Variants in PARD3B observed in about 807,000 individuals in gnomAD.
The protein encoded by PARD3B is par-3 family cell polarity regulator beta, also known as partitioning defective 3 homolog B.
In PARD3B, 103 loss-of-function variants were observed where a neutral mutation model predicts 130.2. That is an observed-to-expected ratio of 0.79 (90% confidence interval 0.67 to 0.93). The LOEUF (loss-of-function observed/expected upper bound fraction) is 0.93. PARD3B is among the 40% of genes least tolerant of loss of function. The pLI is 0.00. For missense variants in PARD3B, 1,609 were observed against 1,499.2 expected (o/e 1.07, Z -1.21); for synonymous variants, 583 against 553.2 (o/e 1.05, Z -0.76).
intron 4 of PARD3B, among the ~76,000 whole-genome samples, chr2:205,077,875 G>A (rs1003369145): frequency 6.6e-6 from 1 of 152,172 alleles, no homozygotes; most frequent in Non-Finnish European, 1.5e-5. Context: ...AACAACAAAA[G>A]AGAGTTGGCC....
chr2:205,167,917 C>A (rs1028458509), intron 11 of PARD3B, among the ~76,000 whole-genome samples: 1 of 152,138 alleles, frequency 6.6e-6, no homozygotes, highest in African/African-American at 2.4e-5. Flanking sequence ...CAAGGACTAG[C>A]CTACATTAGG....
chr2:205,023,203 A>G (rs1696754548), intron 3 of PARD3B, among the ~76,000 whole-genome samples: 1 of 152,108 alleles, frequency 6.6e-6, no homozygotes, highest in Non-Finnish European at 1.5e-5. Flanking sequence ...TTTCACAGAG[A>G]GGAGAGGTGG....
chr2:204,601,736 A>G (rs1361994581), intron 1 of PARD3B, among the ~76,000 whole-genome samples: 2 of 152,002 alleles, frequency 1.3e-5, no homozygotes, highest in Non-Finnish European at 2.9e-5. Flanking sequence ...AATCTAAATG[A>G]AAATTTATGC....
At chr2:205,416,544 A>G (rs187511545) in intron 19 of PARD3B, among the ~76,000 whole-genome samples, 2 of 152,272 alleles carry the variant, frequency 1.3e-5, no homozygotes, top group East Asian at 3.9e-4. Flanking sequence ...ATATGTCTTC[A>G]TCCCTGAAAA....
intron 2 of PARD3B, among the ~76,000 whole-genome samples, chr2:204,712,597 G>A (rs1252176039): frequency 8.0e-6 from 1 of 125,324 alleles, no homozygotes; most frequent in African/African-American, 2.9e-5. Flanking sequence ...CTGGGTGACA[G>A]AGCAAGACCC....
At chr2:204,614,216 A>G (rs1460887213) in intron 1 of PARD3B, among the ~76,000 whole-genome samples, 2 of 152,212 alleles carry the variant, frequency 1.3e-5, no homozygotes, top group Non-Finnish European at 1.5e-5. Flanking sequence ...AAAAGTTTCT[A>G]GTAGCTACAG....
intron 15 of PARD3B, among the ~76,000 whole-genome samples, chr2:205,237,080 T>G (rs999184841): frequency 6.6e-6 from 1 of 152,194 alleles, no homozygotes; most frequent in African/African-American, 2.4e-5. Flanking sequence ...CAGTGTTTGC[T>G]TAAACCCTTT....
intron 15 of PARD3B, among the ~76,000 whole-genome samples, chr2:205,239,019 A>C (rs1023945068): frequency 6.7e-6 from 1 of 150,282 alleles, no homozygotes; most frequent in Non-Finnish European, 1.5e-5. Context: ...ATCATAATCT[A>C]TTTGTGAACA....
intron 3 of PARD3B, among the ~76,000 whole-genome samples, chr2:204,973,112 C>T (rs1367595441): frequency 1.3e-5 from 2 of 152,190 alleles, no homozygotes; most frequent in African/African-American, 4.8e-5. Flanking sequence ...CCCTTGCAGC[C>T]AGTCCCCAGC....
intron 1 of PARD3B, among the ~76,000 whole-genome samples, chr2:204,571,272 G>A (rs569217020): frequency 7.6e-4 from 116 of 152,306 alleles, no homozygotes; most frequent in Non-Finnish European, 1.3e-3. Context: ...GAAACCGTGG[G>A]CAAGGCCCTT....
chr2:204,671,977 C>G (rs2036325176), intron 1 of PARD3B, among the ~76,000 whole-genome samples: 1 of 152,256 alleles, frequency 6.6e-6, no homozygotes, highest in Non-Finnish European at 1.5e-5. Flanking sequence ...TTTTTAGCAT[C>G]TTTCTTTATA....
intron 15 of PARD3B, among the ~76,000 whole-genome samples, chr2:205,196,061 T>C (rs924054972): frequency 6.6e-5 from 10 of 152,184 alleles, no homozygotes; most frequent in Non-Finnish European, 1.5e-4. Flanking sequence ...TTTTCACTTA[T>C]ATTTTCAAAG....
At position 205,240,612 on chromosome 2, in the gene PARD3B, G is replaced by A. The variant is rs10490299; in HGVS notation, c.2141-5166G>A. Among the ~76,000 whole-genome samples the A allele has an allele frequency of 7.7e-3, 1,175 of 152,190 alleles. 17 individuals carry two copies. Among genetic ancestry groups the A allele is most frequent in the African/African-American group, 0.013 (524 of 41,516 alleles). ...TAAAAAAGAATAACTGTAGCTGATG[G>A]CAATTTTTATCTGAAGAGACTTGTG... On this transcript the variant is annotated intron_variant, in intron 15 of 22. Coordinates refer to ENST00000406610, the MANE Select transcript of PARD3B (RefSeq NM_001302769.2).
rs2036489134 is a variant in PARD3B at position 204,675,374 on chromosome 2, T to G, written c.121-10807T>G. Among the ~76,000 whole-genome samples the G allele has an allele frequency of 2.0e-5, 3 of 152,228 alleles. No homozygotes were observed. The highest frequency in any genetic ancestry group is 4.1e-4 in the South Asian group (2 of 4,822). On this transcript the variant is annotated intron_variant, in intron 1 of 22. Transcript: ENST00000406610. This position sits in a 1 kb window ranked among gnomAD's most constrained non-coding sequence, Gnocchi z 4.4. ...CTTTTAACGTTTAATTTTCCTGATA[T>G]AACTTCAGTTTTGTGATTATACTGT... is the stretch of plus-strand genomic sequence containing the variant.
rs1004037462 is a variant in PARD3B, at chr2:204,623,928, A to G, written c.121-62253A>G. 5.9e-5 allele frequency among the ~76,000 whole-genome samples: 9 copies of G among 152,110 alleles called. No homozygotes were observed. The highest frequency in any genetic ancestry group is 1.9e-4 in the African/African-American group (8 of 41,426). The stretch of plus-strand genomic sequence containing the variant: ...GCATTTGTCCTCTTGTAACTGGCTT[A>G]TTTTGCATACCATAATGTCTACAGT... On this transcript the variant is annotated intron_variant, in intron 1 of 22. Coordinates refer to ENST00000406610, the MANE Select transcript of PARD3B (RefSeq NM_001302769.2). This position sits in a 1 kb window ranked among gnomAD's most constrained non-coding sequence, Gnocchi z 4.5.
chr2:204,558,101 G>A (rs563688226), intron 1 of PARD3B: 1 of 152,304 alleles, frequency 6.6e-6, no homozygotes, highest in South Asian at 2.1e-4. Flanking sequence ...GGATTGCAAT[G>A]TGGTGGAATT....
intron 4 of PARD3B, among the ~76,000 whole-genome samples, chr2:205,071,515 C>T (rs528785942): frequency 6.6e-6 from 1 of 152,214 alleles, no homozygotes; most frequent in South Asian, 2.1e-4. Flanking sequence ...AGTTTAATTT[C>T]TTTGATTTTC....
chr2:205,508,787 A>G (rs570643394), intron 21 of PARD3B, among the ~76,000 whole-genome samples: 1 of 152,314 alleles, frequency 6.6e-6, no homozygotes, highest in East Asian at 1.9e-4. Context: ...AAAAGAGAGA[A>G]AAAACCATGT....
At chr2:204,998,358 A>ATATATGTGTGTG (rs1400529301) in intron 3 of PARD3B, among the ~76,000 whole-genome samples, 1 of 69,828 alleles carries the variant, frequency 1.4e-5, no homozygotes, top group African/African-American at 6.8e-5. Context: ...ATATATATAT[A>ATATATGTGTGTG]TGTGTGTGTG....
Sources: allele counts gnomAD v4.1 joint callset (sites outside exome capture counted in the v4.1 genomes callset), GRCh38; gene constraint gnomAD v4.1.1; non-coding constraint Gnocchi (gnomAD v3.1); transcripts MANE v1.5; gene names NCBI Gene and HGNC (gene_info 2026-07-23, HGNC 2026-07-21).